Variants in TCF4 observed in about 807,000 individuals in gnomAD.
TCF4 encodes SL3-3 enhancer factor 2.
In TCF4, 3 loss-of-function variants were observed where a neutral mutation model predicts 82.1. That is an observed-to-expected ratio of 0.04 (90% CI 0.02 to 0.09). The LOEUF (loss-of-function observed/expected upper bound fraction) is 0.09, where lower values mean the gene tolerates loss of function less well. TCF4 is among the 10% of genes least tolerant of loss of function. The pLI, the probability that TCF4 is intolerant of heterozygous loss-of-function variation, is 1.00. For missense variants in TCF4, 518 were observed against 852.7 expected (o/e 0.61, Z 4.89); for synonymous variants, 276 against 309.6 (o/e 0.89, Z 1.14).
At chr18:55,401,100 A>T (rs545390839) in intron 6 of TCF4, 1 of 1,289,030 alleles carries the variant, frequency 7.8e-7, no homozygotes, top group African/African-American at 1.5e-5. Context: ...TGCATAGCTG[A>T]TGTTGTAGAC....
intron 3 of TCF4, among the ~76,000 whole-genome samples, chr18:55,475,727 A>AG (rs1343624147): frequency 6.6e-6 from 1 of 152,186 alleles, no homozygotes; most frequent in Admixed American, 6.5e-5. Flanking sequence ...GCAGAAATGT[A>AG]GGGCAATAAA....
At chr18:55,541,912 A>T (rs2097168151) in intron 3 of TCF4, among the ~76,000 whole-genome samples, 1 of 151,932 alleles carries the variant, frequency 6.6e-6, no homozygotes, top group South Asian at 2.1e-4. Flanking sequence ...CTCATGCTTG[A>T]CTAAGAACAA....
intron 2 of TCF4, among the ~76,000 whole-genome samples, chr18:55,594,812 G>A (rs566605395): frequency 1.1e-4 from 17 of 152,288 alleles, no homozygotes; most frequent in Non-Finnish European, 1.8e-4. Context: ...TGACGCAGCC[G>A]CATATGGCAG....
intron 6 of TCF4, among the ~76,000 whole-genome samples, chr18:55,363,122 G>A (rs2145269229): frequency 6.6e-6 from 1 of 152,230 alleles, no homozygotes; most frequent in South Asian, 2.1e-4. Flanking sequence ...GAATATTAAT[G>A]CATGATAATA....
intron 6 of TCF4, among the ~76,000 whole-genome samples, chr18:55,366,174 T>A (rs1335430239): frequency 4.6e-5 from 7 of 152,178 alleles, no homozygotes; most frequent in African/African-American, 1.7e-4. Context: ...TTGGCTTTTG[T>A]TTTTCTTCAG....
At chr18:55,601,765 T>A (rs2097697277) in intron 2 of TCF4, among the ~76,000 whole-genome samples, 1 of 152,080 alleles carries the variant, frequency 6.6e-6, no homozygotes. Context: ...GTCTGGGCCA[T>A]CAGAGTGAGA....
At chr18:55,528,546 T>C (rs1056130435) in intron 3 of TCF4, among the ~76,000 whole-genome samples, 1 of 152,254 alleles carries the variant, frequency 6.6e-6, no homozygotes, top group African/African-American at 2.4e-5. Context: ...TCTAACAGTA[T>C]ATTTTTGACA....
At chr18:55,444,395 G>T (rs992691615) in intron 5 of TCF4, among the ~76,000 whole-genome samples, 1 of 152,214 alleles carries the variant, frequency 6.6e-6, no homozygotes, top group South Asian at 2.1e-4. Context: ...GAGGGAAAAA[G>T]AGATGAACTA....
At chr18:55,363,301 T>C (rs1345836452) in intron 6 of TCF4, among the ~76,000 whole-genome samples, 1 of 152,114 alleles carries the variant, frequency 6.6e-6, no homozygotes. Flanking sequence ...ATTCAATAAA[T>C]GGTAACTAAA....
chr18:55,322,440 A>AC (rs2075837661), intron 8 of TCF4: 2 of 1,008,410 alleles, frequency 2.0e-6, no homozygotes, highest in Non-Finnish European at 2.4e-6. Flanking sequence ...AAAAAAAAAA[A>AC]AAAAAAAAAA....
chr18:55,583,750 A>T (rs1476951896), intron 3 of TCF4, among the ~76,000 whole-genome samples: 1 of 148,350 alleles, frequency 6.7e-6, no homozygotes, highest in Admixed American at 7.1e-5. Context: ...TCATAAAAAA[A>T]TTACTGTCAA....
At chr18:55,275,293 A>T (rs998353431) in intron 10 of TCF4, among the ~76,000 whole-genome samples, 1 of 149,820 alleles carries the variant, frequency 6.7e-6, no homozygotes, top group African/African-American at 2.5e-5. Context: ...AAAAAAAAAA[A>T]AAAAACCAGG....
At position 55,227,543 on chromosome 18, in the gene TCF4, T is replaced by C. The variant is rs895798852; in HGVS notation, c.*492A>G. ...CTTCCCCTAATTCAATATCCAGTAA[T>C]TATAAACACTAGCTGACTTGAATAC... is the stretch of plus-strand genomic sequence containing the variant. On this transcript the variant is annotated 3_prime_UTR_variant, in exon 20 of 20. Transcript: ENST00000354452. The C allele has an allele frequency of 6.6e-6, 1 of 152,484 alleles. No individual in the cohort carries two copies. Among genetic ancestry groups the C allele is most frequent in the African/African-American group, 2.4e-5 (1 of 41,430 alleles). 9.4% of individuals were successfully genotyped at this position (152,484 alleles called of 1,614,324 possible). A position where few individuals can be genotyped will look rare whatever the true frequency, so the allele number is the denominator to read the frequency against.
intron 8 of TCF4, among the ~76,000 whole-genome samples, chr18:55,297,147 G>GTTTTTTTTTTTTTT (rs35268463): frequency 3.1e-5 from 2 of 64,248 alleles, no homozygotes; most frequent in African/African-American, 6.9e-5. Flanking sequence ...TTTCTTTGAG[G>GTTTTTTTTTTTTTT]TTTTTTTTTT....
intron 6 of TCF4, among the ~76,000 whole-genome samples, chr18:55,364,019 T>C (rs1373989796): frequency 2.0e-5 from 3 of 152,124 alleles, no homozygotes; most frequent in African/African-American, 7.2e-5. Flanking sequence ...GCAATAAATA[T>C]ATGACAAGCT....
At chr18:55,565,711 C>T (rs1289076564) in intron 3 of TCF4, among the ~76,000 whole-genome samples, 2 of 151,846 alleles carry the variant, frequency 1.3e-5, no homozygotes, top group African/African-American at 2.4e-5. Context: ...ATTGCATAGT[C>T]TATTTTACAA....
In TCF4 at chr18:55,400,888, T is replaced by C. The variant is rs1486877865; in HGVS notation, c.369+2566A>G. ...CATAGGATACACTGTTATAATACGA[T>C]AAAGCAGCTTTTGGAGCTCCTTAGG... is the stretch of plus-strand genomic sequence containing the variant. On this transcript the variant is annotated intron_variant, in intron 6 of 19. Transcript: ENST00000354452. The C allele has an allele frequency of 7.2e-6, 8 of 1,110,666 alleles. No individual in the cohort carries two copies. In the Admixed American group the frequency reaches 1.4e-4, roughly 20 times the overall value. 68.8% of individuals were successfully genotyped at this position (1,110,666 alleles called of 1,614,324 possible).
chr18:55,440,541 C>T (rs558092694), intron 5 of TCF4, among the ~76,000 whole-genome samples: 3 of 152,284 alleles, frequency 2.0e-5, no homozygotes, highest in South Asian at 4.2e-4. Flanking sequence ...GTGTCTCCAT[C>T]GTCCGTCAAT....
intron 15 of TCF4, among the ~76,000 whole-genome samples, chr18:55,243,805 C>T (rs2052140383): frequency 6.6e-6 from 1 of 152,036 alleles, no homozygotes; most frequent in African/African-American, 2.4e-5. Flanking sequence ...GGTAATAGAC[C>T]AAACGGCAAA....
Sources: allele counts gnomAD v4.1 joint callset (sites outside exome capture counted in the v4.1 genomes callset), GRCh38; gene constraint gnomAD v4.1.1; transcripts MANE v1.5; gene names NCBI Gene and HGNC (gene_info 2026-07-23, HGNC 2026-07-21).